IMMP2L: variants seen among roughly 807,000 people sequenced by gnomAD.
IMMP2L encodes inner mitochondrial membrane peptidase subunit 2, also known as mitochondrial inner membrane protease subunit 2.
In IMMP2L, 18 loss-of-function variants were observed where a neutral mutation model predicts 19.3. The ratio of observed to expected loss-of-function variants is 0.93; its 90% CI spans 0.64 to 1.38. The LOEUF is 1.38. IMMP2L is among the 40% of genes most tolerant of loss of function. The pLI is 0.00. For missense variants in IMMP2L, 233 were observed against 218.2 expected, an observed-to-expected ratio of 1.07 and a Z score of -0.43; for synonymous variants, 76 against 73.0, an observed-to-expected ratio of 1.04 and a Z score of -0.21.
chr7:111,033,815 C>T (rs939437854), intron 3 of IMMP2L, among the ~76,000 whole-genome samples: 1 of 152,104 alleles, frequency 6.6e-6, no homozygotes. Context: ...ATATTCATAG[C>T]AGTGTTATTT....
chr7:110,823,191 C>T (rs1416797474), intron 5 of IMMP2L, among the ~76,000 whole-genome samples: 8 of 151,884 alleles, frequency 5.3e-5, no homozygotes, highest in Admixed American at 5.3e-4. Flanking sequence ...GCTTTATCTC[C>T]CAACATTATT....
intron 3 of IMMP2L, among the ~76,000 whole-genome samples, chr7:111,134,715 G>A (rs942442995): frequency 9.9e-5 from 15 of 151,608 alleles, no homozygotes; most frequent in African/African-American, 2.4e-4. Context: ...AAAAACTTTC[G>A]GAGATTTTCG....
At chr7:111,366,388 A>G (rs1264081625) in intron 3 of IMMP2L, among the ~76,000 whole-genome samples, 2 of 151,796 alleles carry the variant, frequency 1.3e-5, no homozygotes, top group African/African-American at 2.4e-5. Flanking sequence ...TTCTTCAAAT[A>G]TATCAGTGTT....
chr7:110,958,349 A>G (rs2129554974), intron 4 of IMMP2L, among the ~76,000 whole-genome samples: 2 of 152,174 alleles, frequency 1.3e-5, no homozygotes, highest in South Asian at 4.1e-4. Context: ...TACAAAAATA[A>G]ACACACAGGT....
chr7:110,671,918 G>A (rs1164107579), intron 5 of IMMP2L, among the ~76,000 whole-genome samples: 2 of 151,964 alleles, frequency 1.3e-5, no homozygotes, highest in Non-Finnish European at 2.9e-5. Flanking sequence ...ACCATGTGAG[G>A]GGCCCTCACC....
intron 3 of IMMP2L, among the ~76,000 whole-genome samples, chr7:111,228,725 T>C (rs780401307): frequency 9.9e-5 from 15 of 152,108 alleles, no homozygotes; most frequent in Non-Finnish European, 1.9e-4. Flanking sequence ...AATGCATAAA[T>C]ATTCTATAGT....
At chr7:110,670,550 T>C (rs1224894825) in intron 5 of IMMP2L, among the ~76,000 whole-genome samples, 1 of 151,960 alleles carries the variant, frequency 6.6e-6, no homozygotes, top group Non-Finnish European at 1.5e-5. Flanking sequence ...ATTAGCCAGA[T>C]GCAGTGGCGC....
At chr7:110,884,051 T>C (rs1406335363) in intron 5 of IMMP2L, among the ~76,000 whole-genome samples, 1 of 151,896 alleles carries the variant, frequency 6.6e-6, no homozygotes, top group East Asian at 1.9e-4. Context: ...AATTGAAGAG[T>C]CTGTCAGTGT....
In IMMP2L at chr7:110,792,578, G is replaced by A. The variant is rs79838337; in HGVS notation, c.408+94015C>T. On this transcript the variant is annotated intron_variant, in intron 5 of 5. Transcript: ENST00000405709. ...AACACAGAGAATTCTCATATACTTC[G>A]ATCTCCCCCACAGTACAGTTTCTCC... 2.9e-3 allele frequency among the ~76,000 whole-genome samples: 438 copies of A among 152,048 alleles called. 23 individuals are homozygous for A. In the East Asian group the frequency reaches 0.074, roughly 26 times the overall value.
intron 3 of IMMP2L, among the ~76,000 whole-genome samples, chr7:111,258,402 C>T (rs1692148255): frequency 6.6e-6 from 1 of 152,050 alleles, no homozygotes; most frequent in African/African-American, 2.4e-5. Flanking sequence ...TCACTAATTA[C>T]CATCCATATT....
chr7:111,292,588 T>C lies in IMMP2L; in HGVS notation c.239+194650A>G, dbSNP rs1821233781. Among the ~76,000 whole-genome samples, 3 of 152,012 alleles carry C rather than the reference T, an allele frequency of 2.0e-5. No homozygotes were observed. In the South Asian group the frequency reaches 6.2e-4, roughly 32 times the overall value. ...TTCAAAGAAATTGACATATTATGTG[T>C]CACTAATGAAAAGGAAAAACATCAG... On this transcript the variant is annotated intron_variant, in intron 3 of 5. Coordinates refer to ENST00000405709, the MANE Select transcript of IMMP2L (RefSeq NM_032549.4).
intron 3 of IMMP2L, among the ~76,000 whole-genome samples, chr7:111,375,467 A>G (rs1830602724): frequency 6.6e-6 from 1 of 152,056 alleles, no homozygotes; most frequent in South Asian, 2.1e-4. Context: ...ACAACATGTA[A>G]TCCTGGCTAA....
chr7:111,301,168 T>G (rs1218969721), intron 3 of IMMP2L, among the ~76,000 whole-genome samples: 1 of 152,272 alleles, frequency 6.6e-6, no homozygotes, highest in East Asian at 1.9e-4. Flanking sequence ...CTTATTGTGA[T>G]TTTAATTTAC....
chr7:111,086,160 C>T (rs1261763748), intron 3 of IMMP2L, among the ~76,000 whole-genome samples: 1 of 151,296 alleles, frequency 6.6e-6, no homozygotes, highest in Non-Finnish European at 1.5e-5. Context: ...GGTACTGTGG[C>T]TCATGTCTGT....
At chr7:111,120,480 GTCCC>G (rs1800461603) in intron 3 of IMMP2L, among the ~76,000 whole-genome samples, 1 of 152,010 alleles carries the variant, frequency 6.6e-6, no homozygotes, top group African/African-American at 2.4e-5. Context: ...CTCCCACCAG[GTCCC>G]TCCCACAACA....
At chr7:110,932,430 T>C (rs1015442880) in intron 4 of IMMP2L, among the ~76,000 whole-genome samples, 8 of 152,082 alleles carry the variant, frequency 5.3e-5, no homozygotes, top group African/African-American at 1.7e-4. Flanking sequence ...CTCAGCTCAC[T>C]GCAAGCTCCG....
chr7:111,348,032 G>A (rs1037266318), intron 3 of IMMP2L, among the ~76,000 whole-genome samples: 2 of 150,926 alleles, frequency 1.3e-5, no homozygotes, highest in Admixed American at 6.6e-5. Context: ...GCAAACTATC[G>A]CAAGGACAGA....
intron 5 of IMMP2L, among the ~76,000 whole-genome samples, chr7:110,743,355 AT>A (rs2130878321): frequency 6.6e-6 from 1 of 152,302 alleles, no homozygotes; most frequent in Admixed American, 6.5e-5. Context: ...TTGAATCTGA[AT>A]TTGCAGAATT....
intron 3 of IMMP2L, among the ~76,000 whole-genome samples, chr7:111,342,168 T>G (rs1447662620): frequency 1.3e-5 from 2 of 152,198 alleles, no homozygotes; most frequent in Non-Finnish European, 2.9e-5. Context: ...AAATAACTTT[T>G]GTATTTGGGA....
Sources: allele counts gnomAD v4.1 joint callset (sites outside exome capture counted in the v4.1 genomes callset), GRCh38; gene constraint gnomAD v4.1.1; transcripts MANE v1.5; gene names NCBI Gene and HGNC (gene_info 2026-07-23, HGNC 2026-07-21).